The following USP15 variants were observed in gnomAD, a reference collection of about 807,000 sequenced individuals.
The protein encoded by USP15 is ubiquitin specific peptidase 15, also known as ubiquitin carboxyl-terminal hydrolase 15.
In USP15, 18 loss-of-function variants were observed where a neutral mutation model predicts 127.1. The observed-to-expected ratio is 0.14, with a 90% CI of 0.10 to 0.21. USP15 has a LOEUF of 0.21. USP15 is among the 10% of genes least tolerant of loss of function. The probability of loss-of-function intolerance (pLI) is 1.00; values close to 1 mark genes in which losing one functional copy is unlikely to be tolerated. For missense variants in USP15, 805 were observed against 1,159.9 expected (o/e 0.69, Z 4.44); for synonymous variants, 364 against 393.7 (o/e 0.92, Z 0.89).
chr12:62,324,406 G>C (rs959421535), intron 5 of USP15, among the ~76,000 whole-genome samples: 6 of 151,904 alleles, frequency 3.9e-5, no homozygotes, highest in Admixed American at 2.0e-4. Context: ...GTCCTCAAAT[G>C]ATTGTAAAGT....
chr12:62,331,952 G>A (rs28526400), intron 6 of USP15, among the ~76,000 whole-genome samples: 34,046 of 151,860 alleles, frequency 0.22, 4,149 homozygotes, highest in African/African-American at 0.34. Context: ...ATCACTTGAG[G>A]CCAGGAGTTT....
rs1592758306 is a variant in USP15, at chr12:62,410,190, A to G, written c.*5815A>G. On this transcript the variant is annotated 3_prime_UTR_variant, in exon 22 of 22. Transcript: ENST00000280377. Reference sequence around the variant, plus strand: ...TGATAAGTTCATCCAAATTAATCCCATCATGCCTGTTTAACTCATTTCCCC... The same window carrying G: ...TGATAAGTTCATCCAAATTAATCCCGTCATGCCTGTTTAACTCATTTCCCC... 1 of 152,108 alleles carries G rather than the reference A, an allele frequency of 6.6e-6. No homozygotes were observed. Among genetic ancestry groups the G allele is most frequent in the African/African-American group, 2.4e-5 (1 of 41,442 alleles). 9.4% of individuals were successfully genotyped at this position (152,108 alleles called of 1,614,324 possible).
At chr12:62,286,140 A>G (rs1033496302) in intron 1 of USP15, among the ~76,000 whole-genome samples, 1 of 152,188 alleles carries the variant, frequency 6.6e-6, no homozygotes, top group East Asian at 1.9e-4. Flanking sequence ...TTTTCAAACT[A>G]TGCATACAAC....
At chr12:62,378,057 A>G (rs1173280349) in intron 8 of USP15, among the ~76,000 whole-genome samples, 2 of 151,460 alleles carry the variant, frequency 1.3e-5, no homozygotes, top group African/African-American at 4.9e-5. Flanking sequence ...AAATACAAAA[A>G]TTAGCCAGGT....
chr12:62,361,454 T>C (rs1469094277), intron 8 of USP15, among the ~76,000 whole-genome samples: 3 of 152,138 alleles, frequency 2.0e-5, no homozygotes, highest in South Asian at 4.1e-4. Context: ...GAGTTGTAAA[T>C]TATTACATCT....
intron 1 of USP15, among the ~76,000 whole-genome samples, chr12:62,261,039 G>C (rs1252982841): frequency 6.6e-6 from 1 of 152,146 alleles, no homozygotes; most frequent in Non-Finnish European, 1.5e-5. Flanking sequence ...CTCCACATAA[G>C]AGAAAGAAAC....
chr12:62,281,757 C>G (rs776020836), intron 1 of USP15, among the ~76,000 whole-genome samples: 37 of 152,110 alleles, frequency 2.4e-4, no homozygotes, highest in Non-Finnish European at 4.4e-4. Context: ...AATTAAATAT[C>G]ATCAAATGGG....
chr12:62,296,530 C>T (rs766796536), intron 2 of USP15, among the ~76,000 whole-genome samples: 8 of 152,036 alleles, frequency 5.3e-5, no homozygotes, highest in Non-Finnish European at 1.2e-4. Flanking sequence ...TATAGTAATC[C>T]TAAATACATA....
intron 8 of USP15, among the ~76,000 whole-genome samples, chr12:62,358,890 A>G (rs929685080): frequency 6.6e-6 from 1 of 152,194 alleles, no homozygotes; most frequent in Non-Finnish European, 1.5e-5. Context: ...ATTTTATATC[A>G]AGAACTTGAG....
chr12:62,371,283 T>G (rs1414137335), intron 8 of USP15, among the ~76,000 whole-genome samples: 1 of 152,160 alleles, frequency 6.6e-6, no homozygotes, highest in East Asian at 1.9e-4. Flanking sequence ...CCTACTTGCG[T>G]TTTTCATACT....
At chr12:62,339,021 T>G (rs1418241563) in intron 6 of USP15, among the ~76,000 whole-genome samples, 2 of 152,124 alleles carry the variant, frequency 1.3e-5, no homozygotes, top group Non-Finnish European at 2.9e-5. Context: ...TCAATGTCAA[T>G]TCAATGGGGA....
intron 19 of USP15, among the ~76,000 whole-genome samples, chr12:62,394,498 A>T (rs1020125900): frequency 6.6e-6 from 1 of 152,212 alleles, no homozygotes; most frequent in Non-Finnish European, 1.5e-5. Context: ...TTTTCTCTTT[A>T]ACAAAATAGT....
chr12:62,280,825 C>G (rs2063627093), intron 1 of USP15, among the ~76,000 whole-genome samples: 1 of 152,032 alleles, frequency 6.6e-6, no homozygotes, highest in African/African-American at 2.4e-5. Flanking sequence ...AAAATGGTAC[C>G]AGCTGAGTCT....
At chr12:62,398,023 C>T (rs192186009) in intron 20 of USP15, among the ~76,000 whole-genome samples, 1 of 149,622 alleles carries the variant, frequency 6.7e-6, no homozygotes, top group East Asian at 2.0e-4. Flanking sequence ...GACTGGCTCT[C>T]TCTCTGTCAC....
intron 8 of USP15, among the ~76,000 whole-genome samples, chr12:62,378,768 T>A (rs1276143769): frequency 2.6e-5 from 4 of 152,190 alleles, no homozygotes; most frequent in Non-Finnish European, 5.9e-5. Flanking sequence ...TTTTTGAGAT[T>A]ATTCTTTAGA....
chr12:62,379,714 T>C lies in USP15; in HGVS notation c.916-1776T>C, dbSNP rs76052810. 3.1e-3 allele frequency among the ~76,000 whole-genome samples: 472 copies of C among 152,162 alleles called. 1 individual carries two copies. Among genetic ancestry groups the C allele is most frequent in the African/African-American group, 9.9e-3 (410 of 41,540 alleles). On this transcript the variant is annotated intron_variant, in intron 8 of 21. Transcript: ENST00000280377. ...TAAGAAGCGGAAAACTATTGATAAT[T>C]GTTGGAAATTCCTATCTGACCTGTC... is the stretch of plus-strand genomic sequence containing the variant.
intron 3 of USP15, among the ~76,000 whole-genome samples, chr12:62,312,889 TGA>T (rs2064724476): frequency 1.3e-5 from 2 of 151,652 alleles, no homozygotes; most frequent in Non-Finnish European, 3.0e-5. Context: ...AATCTACATG[TGA>T]CCATTACACA....
chr12:62,373,426 A>T lies in USP15; in HGVS notation c.916-8064A>T, dbSNP rs373016990. ...GTATGTGAAGAAGAAATACCATAGA[A>T]TTTCAAAGAAGGGACAACAGTGGGG... is the stretch of plus-strand genomic sequence containing the variant. On this transcript the variant is annotated intron_variant, in intron 8 of 21. Coordinates refer to ENST00000280377, the MANE Select transcript of USP15 (RefSeq NM_001252078.2). Among the ~76,000 whole-genome samples the T allele has an allele frequency of 3.3e-5, 5 of 152,138 alleles. No individual in the cohort carries two copies. The South Asian group carries it at 6.2e-4, about 19-fold the overall frequency.
intron 8 of USP15, among the ~76,000 whole-genome samples, chr12:62,359,331 C>T (rs1367894636): frequency 6.6e-6 from 1 of 151,692 alleles, no homozygotes; most frequent in Non-Finnish European, 1.5e-5. Flanking sequence ...AAAAACATGG[C>T]CTTCCTGCTT....
Sources: allele counts gnomAD v4.1 joint callset (sites outside exome capture counted in the v4.1 genomes callset), GRCh38; gene constraint gnomAD v4.1.1; transcripts MANE v1.5; gene names NCBI Gene and HGNC (gene_info 2026-07-23, HGNC 2026-07-21).